The following CNTNAP2 variants were observed in gnomAD, a reference collection of about 807,000 sequenced individuals.
CNTNAP2 encodes contactin-associated protein-like 2.
CNTNAP2 carries 98 observed loss-of-function variants against 155.2 expected under a neutral mutation model. The observed-to-expected ratio is 0.63, with a 90% CI of 0.54 to 0.75. CNTNAP2 has a LOEUF of 0.75. Ranked by LOEUF, CNTNAP2 falls within the 30% of genes least tolerant of loss-of-function variation. CNTNAP2 has a pLI of 0.00. For synonymous variants in CNTNAP2, 651 were observed against 631.2 expected (o/e 1.03, Z -0.47); for missense variants, 1,727 against 1,688.1 (o/e 1.02, Z -0.40).
chr7:148,278,394 G>A (rs1796914529), intron 21 of CNTNAP2, among the ~76,000 whole-genome samples: 2 of 151,928 alleles, frequency 1.3e-5, no homozygotes, highest in Non-Finnish European at 2.9e-5. Context: ...GCGAAACCCT[G>A]TCGCTACTAA....
In CNTNAP2 at chr7:147,856,887, G is replaced by A. The variant is rs533307345; in HGVS notation, c.2099-46678G>A. Among the ~76,000 whole-genome samples, 3 of 152,188 alleles carry A rather than the reference G, an allele frequency of 2.0e-5. No homozygotes were observed. In the South Asian group the frequency reaches 6.2e-4, roughly 32 times the overall value. The stretch of plus-strand genomic sequence containing the variant: ...CTTCCTTAAAAGTCTACAGATTTGA[G>A]TGTACCCCTCACCCAAGGAAATCTG... On this transcript the variant is annotated intron_variant, in intron 13 of 23. Coordinates refer to ENST00000361727, the MANE Select transcript of CNTNAP2 (RefSeq NM_014141.6).
chr7:147,924,720 A>G (rs1211580702), intron 14 of CNTNAP2, among the ~76,000 whole-genome samples: 1 of 152,124 alleles, frequency 6.6e-6, no homozygotes, highest in African/African-American at 2.4e-5. Context: ...GAGAAAGGTG[A>G]AAGATGTAAG....
chr7:148,061,866 T>TAAAC (rs1803140456), intron 15 of CNTNAP2, among the ~76,000 whole-genome samples: 3 of 146,938 alleles, frequency 2.0e-5, no homozygotes, highest in African/African-American at 7.7e-5. Flanking sequence ...TATAGATAGA[T>TAAAC]AGATAAACAG....
intron 16 of CNTNAP2, among the ~76,000 whole-genome samples, chr7:148,146,777 C>A (rs150188406): frequency 1.3e-5 from 2 of 152,072 alleles, no homozygotes; most frequent in Non-Finnish European, 2.9e-5. Flanking sequence ...CAATAGGTTA[C>A]CCTCATTACA....
At chr7:146,735,992 G>A (rs949846260) in intron 1 of CNTNAP2, among the ~76,000 whole-genome samples, 2 of 152,104 alleles carry the variant, frequency 1.3e-5, no homozygotes, top group Non-Finnish European at 2.9e-5. Flanking sequence ...TATTGTATAA[G>A]TGCACTGAAA....
At chr7:148,103,206 C>CT (rs56941233) in intron 15 of CNTNAP2, among the ~76,000 whole-genome samples, 207 of 141,338 alleles carry the variant, frequency 1.5e-3, no homozygotes, top group South Asian at 5.5e-3. Flanking sequence ...AGGTATGTAG[C>CT]TTTTTTTTTT....
intron 1 of CNTNAP2, among the ~76,000 whole-genome samples, chr7:146,196,551 A>AGGAG (rs1266673873): frequency 3.3e-5 from 5 of 151,092 alleles, no homozygotes; most frequent in Non-Finnish European, 7.4e-5. Flanking sequence ...TCAGAGGGAA[A>AGGAG]GGAGGGAGGG....
chr7:146,384,280 G>A (rs1022533060), intron 1 of CNTNAP2, among the ~76,000 whole-genome samples: 4 of 152,110 alleles, frequency 2.6e-5, no homozygotes, highest in African/African-American at 4.8e-5. Context: ...TAGAACTTTC[G>A]TTGTACAGAA....
chr7:147,299,059 C>T (rs930004696), intron 8 of CNTNAP2, among the ~76,000 whole-genome samples: 2 of 152,112 alleles, frequency 1.3e-5, no homozygotes, highest in Admixed American at 6.5e-5. Context: ...AACTGAAGCA[C>T]GTCCTCATGT....
chr7:146,307,770 T>C (rs562879820), intron 1 of CNTNAP2, among the ~76,000 whole-genome samples: 2 of 152,290 alleles, frequency 1.3e-5, no homozygotes, highest in East Asian at 3.9e-4. Flanking sequence ...GAAAACTCGC[T>C]AGCCATATGT....
intron 1 of CNTNAP2, among the ~76,000 whole-genome samples, chr7:146,584,104 G>T (rs575004333): frequency 7.9e-5 from 12 of 152,214 alleles, no homozygotes; most frequent in Admixed American, 2.6e-4. Context: ...AATAAATCAT[G>T]AAAAGTACTA....
intron 9 of CNTNAP2, among the ~76,000 whole-genome samples, chr7:147,380,629 G>A (rs1796519568): frequency 6.6e-6 from 1 of 152,028 alleles, no homozygotes; most frequent in Non-Finnish European, 1.5e-5. Context: ...GCTACACAAA[G>A]CATTTCTTGG....
At chr7:146,563,079 C>A (rs1295874506) in intron 1 of CNTNAP2, among the ~76,000 whole-genome samples, 3 of 152,114 alleles carry the variant, frequency 2.0e-5, no homozygotes, top group Non-Finnish European at 4.4e-5. Context: ...AATTTTAAAT[C>A]ATTCTTATGT....
At position 146,522,632 on chromosome 7, in the gene CNTNAP2, T is replaced by A. The variant is rs547388163; in HGVS notation, c.98-251639T>A. On this transcript the variant is annotated intron_variant, in intron 1 of 23. Transcript: ENST00000361727. ...TATTACCCACAATTAAAGTTTGAAA[T>A]TCCAGGAAAGCATTTTTAGATATTA... 1.3e-4 allele frequency among the ~76,000 whole-genome samples: 20 copies of A among 152,038 alleles called. No individual in the cohort carries two copies. In the South Asian group the frequency reaches 3.5e-3, roughly 27 times the overall value.
intron 3 of CNTNAP2, among the ~76,000 whole-genome samples, chr7:146,958,011 A>G (rs542729144): frequency 4.9e-4 from 75 of 152,206 alleles, no homozygotes; most frequent in Non-Finnish European, 1.5e-4. Context: ...GAATCTAGCC[A>G]GAATATAGCG....
intron 8 of CNTNAP2, among the ~76,000 whole-genome samples, chr7:147,193,231 G>A (rs905098815): frequency 3.3e-5 from 5 of 152,126 alleles, no homozygotes; most frequent in Non-Finnish European, 5.9e-5. Flanking sequence ...TCAATTTTCA[G>A]ATAAATAAAT....
intron 13 of CNTNAP2, among the ~76,000 whole-genome samples, chr7:147,740,552 T>C (rs1796940506): frequency 6.6e-6 from 1 of 152,150 alleles, no homozygotes; most frequent in Non-Finnish European, 1.5e-5. Flanking sequence ...GAATGCATTG[T>C]TAAGTTGATC....
chr7:148,143,979 C>A (rs1188200774), intron 16 of CNTNAP2, among the ~76,000 whole-genome samples: 3 of 152,156 alleles, frequency 2.0e-5, no homozygotes, highest in Non-Finnish European at 4.4e-5. Flanking sequence ...CCAGATCCAT[C>A]CTGTGGGCCT....
intron 12 of CNTNAP2, among the ~76,000 whole-genome samples, chr7:147,591,523 A>G (rs1386983225): frequency 3.3e-5 from 5 of 152,292 alleles, no homozygotes; most frequent in African/African-American, 1.2e-4. Context: ...TTGAGAGGAC[A>G]CAATTCAGCA....
Sources: gnomAD v4.1 joint callset for allele counts (sites outside exome capture counted in the v4.1 genomes callset) on GRCh38, gnomAD v4.1.1 for gene constraint, MANE v1.5 for transcripts, NCBI Gene and HGNC (gene_info 2026-07-23, HGNC 2026-07-21) for gene names.